The following EPB41L1 variants were observed in gnomAD, a reference collection of about 807,000 sequenced individuals.
The protein encoded by EPB41L1 is erythrocyte membrane protein band 4.1 like 1, also known as band 4.1-like protein 1.
Under a neutral mutation model 97.8 loss-of-function variants are expected in EPB41L1, and 29 were observed. The observed-to-expected ratio is 0.30, with a 90% CI of 0.22 to 0.40. The LOEUF (loss-of-function observed/expected upper bound fraction) is 0.40. Ranked by LOEUF, EPB41L1 falls within the 10% of genes least tolerant of loss-of-function variation. The probability of loss-of-function intolerance (pLI) is 1.00; values close to 1 mark genes in which losing one functional copy is unlikely to be tolerated. For missense variants in EPB41L1, 812 were observed against 1,162.3 expected, an observed-to-expected ratio of 0.70 and a Z score of 4.38; for synonymous variants, 383 against 459.2, an observed-to-expected ratio of 0.83 and a Z score of 2.12.
At chr20:36,182,212 C>T in intron 5 of EPB41L1, 60 bp from the exon 6 acceptor site, 1 of 1,475,980 alleles carries the variant, frequency 6.8e-7, no homozygotes, top group Non-Finnish European at 9.5e-7. Context: ...GAGGATGGTG[C>T]ATCTGGACCA....
chr20:36,097,599 A>G (rs985053726), intron 1 of EPB41L1, among the ~76,000 whole-genome samples: 1 of 152,210 alleles, frequency 6.6e-6, no homozygotes, highest in African/African-American at 2.4e-5. Flanking sequence ...GTGGGAGCAG[A>G]CATGTAAAGA....
chr20:36,208,376 C>T (rs773678746), intron 14 of EPB41L1: 28 of 450,172 alleles, frequency 6.2e-5, no homozygotes, highest in South Asian at 3.5e-4. Context: ...GAAGGGGGGG[C>T]GCCTGAGATT....
chr20:36,229,196 T>TG (rs2064367020), intron 21 of EPB41L1, 136 bp from the exon 22 acceptor site: 2 of 728,526 alleles, frequency 2.7e-6, no homozygotes, highest in Middle Eastern at 2.3e-4. Flanking sequence ...AAAGGGCATA[T>TG]GGTAAAGGGT....
At chr20:36,097,494 A>G (rs1192556678) in intron 1 of EPB41L1, among the ~76,000 whole-genome samples, 2 of 152,158 alleles carry the variant, frequency 1.3e-5, no homozygotes, top group African/African-American at 4.8e-5. Flanking sequence ...CATTATTGCT[A>G]CTCCACAATT....
chr20:36,187,762 A>G lies in EPB41L1; in HGVS notation c.872A>G (p.Lys291Arg). The change falls in exon 8 of 22, where the codon AAG becomes AGG. Residue 291 changes from lysine to arginine, a missense_variant and splice_region_variant. Lys to Arg is a conservative substitution (Grantham distance 26, BLOSUM62 2). Coordinates refer to ENST00000338074, the MANE Select transcript of EPB41L1 (RefSeq NM_012156.2). ...SMYGVDLHHA[K>R]DSEGIDIMLG... ...TACGGAGTAGACCTGCACCATGCCA[A>G]GGTACCACCAGCTTCCTGGGTTCCC... 2 of 1,613,510 alleles carry G rather than the reference A, an allele frequency of 1.2e-6. No individual in the cohort carries two copies. The highest frequency in any genetic ancestry group is 1.1e-5 in the South Asian group (1 of 90,932).
chr20:36,160,631 C>T (rs1387663688), intron 1 of EPB41L1, among the ~76,000 whole-genome samples: 1 of 151,960 alleles, frequency 6.6e-6, no homozygotes, highest in Non-Finnish European at 1.5e-5. Flanking sequence ...AGTGTATTCT[C>T]CCCTTAGATC....
At chr20:36,098,747 G>A (rs1375593182) in intron 1 of EPB41L1, among the ~76,000 whole-genome samples, 1 of 152,166 alleles carries the variant, frequency 6.6e-6, no homozygotes, top group East Asian at 1.9e-4. Flanking sequence ...AATACATGCA[G>A]GAAGTTGGGG....
In EPB41L1 at chr20:36,154,794, C is replaced by G; in HGVS notation, c.-117C>G. 1.0e-6 allele frequency: 1 copy of G among 989,274 alleles called. No homozygotes were observed. The allele number at this position is 989,274 out of a possible 1,614,324, so 61.3% of individuals were successfully genotyped here. A position where few individuals can be genotyped will look rare whatever the true frequency, so the allele number is the denominator to read the frequency against. On this transcript the variant is annotated 5_prime_UTR_variant, in exon 1 of 22. Transcript: ENST00000338074. The surrounding 1 kb of genome is among the most constrained non-coding windows in gnomAD (Gnocchi z 5.5). ...CGCCGAACAGGCTGCTCCGCAGAGC[C>G]CGCCGCGACCCCGCGCCGCCCCGCC... is the stretch of plus-strand genomic sequence containing the variant.
intron 2 of EPB41L1, among the ~76,000 whole-genome samples, chr20:36,145,970 G>A (rs529049192): frequency 3.3e-4 from 50 of 152,118 alleles, no homozygotes; most frequent in Non-Finnish European, 6.3e-4. Context: ...ACTATGGCTT[G>A]TGTTATGCTC....
At chr20:36,141,124 G>A (rs1363058948) in intron 2 of EPB41L1, among the ~76,000 whole-genome samples, 1 of 152,086 alleles carries the variant, frequency 6.6e-6, no homozygotes, top group Admixed American at 6.5e-5. Context: ...AGGATTACGT[G>A]TTCATTTCTT....
chr20:36,173,976 C>G, intron 2 of EPB41L1, 22 bp downstream of exon 2: 1 of 1,602,234 alleles, frequency 6.2e-7, no homozygotes, highest in Non-Finnish European at 8.5e-7. Flanking sequence ...AGAGCATGGG[C>G]GTACCTTTCC....
chr20:36,137,113 T>C (rs145153373), intron 2 of EPB41L1, among the ~76,000 whole-genome samples: 2,964 of 150,836 alleles, frequency 0.02, 101 homozygotes, highest in African/African-American at 0.069. Flanking sequence ...TTCACTCTGT[T>C]GCCCAGGCTA....
chr20:36,218,923 C>T lies in EPB41L1; in HGVS notation c.2316C>T (p.Gly772=). The part of the protein sequence containing the change: ...SGKGAAAMIP[G]PQTVATEIRS... The stretch of plus-strand genomic sequence containing the variant: ...AGGGGGCAGCTGCCATGATCCCAGG[C>T]CCACAGACGGTGGCCACGGAAATCC... The change falls in exon 18 of 22, where the codon GGC becomes GGT. Residue 772 remains glycine (G), a synonymous_variant. Transcript: ENST00000338074. 2 of 1,614,204 alleles carry T rather than the reference C, an allele frequency of 1.2e-6. No individual in the cohort carries two copies. The highest frequency in any genetic ancestry group is 1.1e-5 in the South Asian group (1 of 91,080).
intron 21 of EPB41L1, among the ~76,000 whole-genome samples, chr20:36,226,351 C>T (rs1243978422): frequency 6.6e-6 from 1 of 152,186 alleles, no homozygotes; most frequent in East Asian, 1.9e-4. Context: ...TAATAACAAT[C>T]GCTATAATTT....
chr20:36,167,393 G>T (rs556103195), intron 1 of EPB41L1, among the ~76,000 whole-genome samples: 2 of 152,046 alleles, frequency 1.3e-5, no homozygotes, highest in Non-Finnish European at 2.9e-5. Context: ...TATTTTAATG[G>T]GAGGCCCTTG....
At chr20:36,103,546 A>G (rs945138874) in intron 1 of EPB41L1, among the ~76,000 whole-genome samples, 3 of 152,222 alleles carry the variant, frequency 2.0e-5, no homozygotes, top group Non-Finnish European at 4.4e-5. Flanking sequence ...TTTAAAACAA[A>G]GAGGTAGGGA....
At chr20:36,201,395 G>T (rs2062490870) in intron 14 of EPB41L1, among the ~76,000 whole-genome samples, 1 of 152,196 alleles carries the variant, frequency 6.6e-6, no homozygotes, top group Non-Finnish European at 1.5e-5. Context: ...AGGGTCAGGG[G>T]TCATGCTAGA....
Position 36,195,507 on chromosome 20 carries a change from G to A in EPB41L1, c.1485+143G>A. 1.0e-6 allele frequency: 1 copy of A among 994,584 alleles called. No homozygotes were observed. Among genetic ancestry groups the A allele is most frequent in the Non-Finnish European group, 1.6e-6 (1 of 644,918 alleles). The allele number at this position is 994,584 out of a possible 1,614,324, so 61.6% of individuals were successfully genotyped here. On this transcript the variant is annotated intron_variant, in intron 13 of 21. Transcript: ENST00000338074. The surrounding 1 kb of genome is among the most constrained non-coding windows in gnomAD (Gnocchi z 4.6). ...CTCTGCTCCCCAGCCATCCCCCTCT[G>A]CAGCCGTCCTTGCTCCCCACTCCGC...
intron 1 of EPB41L1, among the ~76,000 whole-genome samples, chr20:36,104,879 G>A (rs995292930): frequency 2.0e-5 from 3 of 152,120 alleles, no homozygotes; most frequent in Admixed American, 6.5e-5. Flanking sequence ...TGGGCTGTGC[G>A]CACTCTGGAT....
Sources: gnomAD v4.1 joint callset for allele counts (sites outside exome capture counted in the v4.1 genomes callset) on GRCh38, gnomAD v4.1.1 for gene constraint, Gnocchi (gnomAD v3.1) non-coding constraint, MANE v1.5 for transcripts, NCBI Gene and HGNC (gene_info 2026-07-23, HGNC 2026-07-21) for gene names.